SNTB2: variants seen among roughly 807,000 people sequenced by gnomAD.
SNTB2 encodes the protein syntrophin beta 2.
SNTB2 carries 34 observed loss-of-function variants against 46.2 expected under a neutral mutation model. The observed-to-expected ratio is 0.74, with a 90% CI of 0.56 to 0.98. The LOEUF (loss-of-function observed/expected upper bound fraction) is 0.98. SNTB2 is among the 50% of genes least tolerant of loss of function. The pLI is 0.00. For missense variants in SNTB2, 603 were observed against 731.4 expected, an observed-to-expected ratio of 0.82 and a Z score of 2.02; for synonymous variants, 290 against 312.6, an observed-to-expected ratio of 0.93 and a Z score of 0.76.
Position 69,290,818 on chromosome 16 carries a change from C to G in SNTB2, c.1345+6574C>G, listed in dbSNP as rs184747670. Among the ~76,000 whole-genome samples, 22 of 152,274 alleles carry G rather than the reference C, an allele frequency of 1.4e-4. 1 individual carries two copies. The highest frequency in any genetic ancestry group is 1.4e-3 in the Admixed American group (21 of 15,292). Reference sequence around the variant, plus strand: ...CACCTGCATTTTCAAGATATGGGAACTGGTGTTAGTATGGTTAGGACTTGA... The same window carrying G: ...CACCTGCATTTTCAAGATATGGGAAGTGGTGTTAGTATGGTTAGGACTTGA... On this transcript the variant is annotated intron_variant, in intron 5 of 6. Transcript: ENST00000336278.
At chr16:69,235,972 A>G in intron 1 of SNTB2, 1 of 746,576 alleles carries the variant, frequency 1.3e-6, no homozygotes, top group Non-Finnish European at 1.8e-6. Flanking sequence ...CATTAGGATT[A>G]ATAGAGGTGG....
At chr16:69,297,925 A>C (rs1700753154) in intron 5 of SNTB2, among the ~76,000 whole-genome samples, 1 of 152,062 alleles carries the variant, frequency 6.6e-6, no homozygotes, top group African/African-American at 2.4e-5. Flanking sequence ...AAACAAACAA[A>C]AAAAAGAATC....
intron 5 of SNTB2, among the ~76,000 whole-genome samples, chr16:69,297,408 A>T (rs1407809290): frequency 6.6e-6 from 1 of 150,586 alleles, no homozygotes; most frequent in African/African-American, 2.4e-5. Flanking sequence ...TCACAAGGTC[A>T]GGAGTTTGAG....
chr16:69,240,696 A>T (rs1964602890), intron 1 of SNTB2: 1 of 152,232 alleles, frequency 6.6e-6, no homozygotes, highest in African/African-American at 2.4e-5. Flanking sequence ...GGCATGGAAA[A>T]GGTAAGAGTT....
At chr16:69,207,418 A>G (rs1338254624) in intron 1 of SNTB2, among the ~76,000 whole-genome samples, 1 of 152,014 alleles carries the variant, frequency 6.6e-6, no homozygotes, top group Non-Finnish European at 1.5e-5. Flanking sequence ...TTGGCCTCCC[A>G]AAGTGCTGGG....
rs1322975961 is a variant in SNTB2, at chr16:69,292,411, ATATATAT to A, written c.1346-7171_1346-7165del. Reference sequence around the variant, plus strand: ...TATATTATATATATATATATATTATATATATATTATATATATATATATATTATATATA... The same window carrying A: ...TATATTATATATATATATATATTATATATATATATATATATATTATATATA... On this transcript the variant is annotated intron_variant, in intron 5 of 6. Transcript: ENST00000336278. Among the ~76,000 whole-genome samples the A allele has an allele frequency of 1.5e-3, 35 of 22,976 alleles. 8 individuals carry two copies. The highest frequency in any genetic ancestry group is 0.012 in the African/African-American group (35 of 2,922). 15.1% of individuals were successfully genotyped at this position (22,976 alleles called of 152,430 possible). A position where few individuals can be genotyped will look rare whatever the true frequency, so the allele number is the denominator to read the frequency against.
chr16:69,253,421 G>A (rs1363281530), intron 2 of SNTB2, among the ~76,000 whole-genome samples: 5 of 151,404 alleles, frequency 3.3e-5, no homozygotes, highest in African/African-American at 7.3e-5. Flanking sequence ...AGACCGAGGC[G>A]GGTGGATCAC....
chr16:69,232,502 CTTTTTTTTTTT>C lies in SNTB2; in HGVS notation c.581-13083_581-13073del, dbSNP rs1032986410. Among the ~76,000 whole-genome samples, 78 of 63,880 alleles carry C rather than the reference CTTTTTTTTTTT, an allele frequency of 1.2e-3. No individual in the cohort carries two copies. In the South Asian group the frequency reaches 0.028, roughly 23 times the overall value. 41.9% of individuals were successfully genotyped at this position (63,880 alleles called of 152,430 possible). ...TTACAGGTGTGAGCCACGGTGCGGC[CTTTTTTTTTTT>C]TTTTTTTTTTTTTTTTGGAGACGGA... On this transcript the variant is annotated intron_variant, in intron 1 of 6. Transcript: ENST00000336278.
chr16:69,258,605 C>CTTTTTTTTTTT (rs67116274), intron 2 of SNTB2, among the ~76,000 whole-genome samples: 95 of 83,512 alleles, frequency 1.1e-3, no homozygotes, highest in Non-Finnish European at 1.4e-3. Context: ...CTTGTTCTTT[C>CTTTTTTTTTTT]TTTTTTTTTT....
chr16:69,282,124 T>G (rs1965055042), intron 4 of SNTB2, among the ~76,000 whole-genome samples: 1 of 149,490 alleles, frequency 6.7e-6, no homozygotes, highest in Non-Finnish European at 1.5e-5. Flanking sequence ...AGGCTGGACT[T>G]AAACTCCTGA....
rs1256677588 is a variant in SNTB2, at chr16:69,304,608, A to G, written c.*3684A>G. On this transcript the variant is annotated 3_prime_UTR_variant, in exon 7 of 7. Coordinates refer to ENST00000336278, the MANE Select transcript of SNTB2 (RefSeq NM_006750.4). ...TATCCTCCTAAGTTGAATGGTAACA[A>G]AGCTTTTCCAGCTGAATGAATGCAC... 1 of 152,288 alleles carries G rather than the reference A, an allele frequency of 6.6e-6. No individual in the cohort carries two copies. The highest frequency in any genetic ancestry group is 2.4e-5 in the African/African-American group (1 of 41,460). The allele number at this position is 152,288 out of a possible 1,614,324, so 9.4% of individuals were successfully genotyped here.
chr16:69,216,713 G>A (rs1042301657), intron 1 of SNTB2, among the ~76,000 whole-genome samples: 3 of 151,414 alleles, frequency 2.0e-5, no homozygotes, highest in African/African-American at 7.3e-5. Context: ...TAGAAGTAAT[G>A]GAATTAAACC....
chr16:69,244,071 A>G (rs1175556827), intron 1 of SNTB2, among the ~76,000 whole-genome samples: 1 of 152,164 alleles, frequency 6.6e-6, no homozygotes, highest in Non-Finnish European at 1.5e-5. Flanking sequence ...TGAAATTTTT[A>G]TTTGCTTAGT....
At chr16:69,239,650 G>C (rs1207486364) in intron 1 of SNTB2, among the ~76,000 whole-genome samples, 11 of 152,106 alleles carry the variant, frequency 7.2e-5, no homozygotes, top group Admixed American at 7.2e-4. Context: ...CTGGGTTCAA[G>C]CCTCCTGCCT....
chr16:69,253,375 C>A (rs959467134), intron 2 of SNTB2, among the ~76,000 whole-genome samples: 1 of 151,780 alleles, frequency 6.6e-6, no homozygotes, highest in Non-Finnish European at 1.5e-5. Context: ...ACTGGCCGGG[C>A]GTGGTGCCTC....
At chr16:69,195,672 T>G (rs1435116831) in intron 1 of SNTB2, among the ~76,000 whole-genome samples, 8 of 152,120 alleles carry the variant, frequency 5.3e-5, no homozygotes. Flanking sequence ...TCTAGGAACA[T>G]ATTGCCTTAA....
At chr16:69,230,385 G>C (rs1479201965) in intron 1 of SNTB2, 1 of 149,640 alleles carries the variant, frequency 6.7e-6, no homozygotes, top group Admixed American at 6.7e-5. Context: ...TTTTTGAGAC[G>C]GAGTTTCGCT....
chr16:69,225,935 T>G (rs1214237141), intron 1 of SNTB2, among the ~76,000 whole-genome samples: 1 of 152,064 alleles, frequency 6.6e-6, no homozygotes, highest in East Asian at 1.9e-4. Flanking sequence ...ACCTGGCTAA[T>G]TTTTGTAGTT....
intron 1 of SNTB2, among the ~76,000 whole-genome samples, chr16:69,220,302 C>T (rs1166087327): frequency 6.7e-6 from 1 of 150,268 alleles, no homozygotes; most frequent in Non-Finnish European, 1.5e-5. Flanking sequence ...GCTGGGACTA[C>T]AGGCGCCCGC....
Sources: allele counts gnomAD v4.1 joint callset (sites outside exome capture counted in the v4.1 genomes callset), GRCh38; gene constraint gnomAD v4.1.1; transcripts MANE v1.5; gene names NCBI Gene and HGNC (gene_info 2026-07-23, HGNC 2026-07-21).